Variants in PHACTR1 observed in about 807,000 individuals in gnomAD.
PHACTR1 encodes phosphatase and actin regulator 1.
PHACTR1 carries 16 observed loss-of-function variants against 69.2 expected under a neutral mutation model. The ratio of observed to expected loss-of-function variants is 0.23; its 90% CI spans 0.16 to 0.35. The LOEUF (loss-of-function observed/expected upper bound fraction) is 0.35. Among genes scored for constraint, PHACTR1 ranks in the 10% least tolerant of loss-of-function variants. The probability of loss-of-function intolerance (pLI) is 1.00; values close to 1 mark genes in which losing one functional copy is unlikely to be tolerated. For missense variants in PHACTR1, 510 were observed against 734.7 expected, an observed-to-expected ratio of 0.69 and a Z score of 3.54; for synonymous variants, 312 against 284.5, an observed-to-expected ratio of 1.10 and a Z score of -0.97.
At chr6:13,193,832 G>A (rs1439135490) in intron 7 of PHACTR1, among the ~76,000 whole-genome samples, 1 of 152,006 alleles carries the variant, frequency 6.6e-6, no homozygotes, top group Non-Finnish European at 1.5e-5. Flanking sequence ...CTGCTTGGAT[G>A]AATGAATGAT....
At chr6:13,170,267 A>G (rs1285124373) in intron 6 of PHACTR1, among the ~76,000 whole-genome samples, 1 of 152,230 alleles carries the variant, frequency 6.6e-6, no homozygotes, top group Non-Finnish European at 1.5e-5. Context: ...TCTAATTTTG[A>G]CAAATGTTTC....
chr6:12,721,526 T>G (rs1203835788), intron 3 of PHACTR1, among the ~76,000 whole-genome samples: 1 of 152,226 alleles, frequency 6.6e-6, no homozygotes, highest in East Asian at 1.9e-4. Context: ...ATTCATTTCT[T>G]GTCCTGTCAA....
intron 8 of PHACTR1, among the ~76,000 whole-genome samples, chr6:13,219,818 G>A (rs747306616): frequency 9.2e-5 from 14 of 152,006 alleles, no homozygotes; most frequent in African/African-American, 1.9e-4. Flanking sequence ...TAAAATTTGC[G>A]GTATAAATTG....
At chr6:12,941,258 G>A (rs1321543033) in intron 4 of PHACTR1, among the ~76,000 whole-genome samples, 1 of 152,136 alleles carries the variant, frequency 6.6e-6, no homozygotes, top group African/African-American at 2.4e-5. Flanking sequence ...TATCCTCAGA[G>A]TCGTAGCAAA....
chr6:12,894,174 T>TTA (rs1561987143), intron 4 of PHACTR1, among the ~76,000 whole-genome samples: 2 of 152,244 alleles, frequency 1.3e-5, no homozygotes, highest in African/African-American at 4.8e-5. Context: ...GAGACTCTAA[T>TTA]ATCTCAAGTA....
chr6:12,979,355 C>A (rs1175311651), intron 4 of PHACTR1, among the ~76,000 whole-genome samples: 1 of 152,162 alleles, frequency 6.6e-6, no homozygotes, highest in Non-Finnish European at 1.5e-5. Context: ...CGGTGCTGCA[C>A]CAGGCATTGA....
At chr6:13,024,672 C>T (rs774516465) in intron 4 of PHACTR1, among the ~76,000 whole-genome samples, 15 of 151,846 alleles carry the variant, frequency 9.9e-5, no homozygotes, top group Non-Finnish European at 2.2e-4. Context: ...CTGTTTTCTA[C>T]TAGTCATGAT....
chr6:13,170,646 G>A (rs544401515), intron 6 of PHACTR1, among the ~76,000 whole-genome samples: 2 of 152,294 alleles, frequency 1.3e-5, no homozygotes, highest in Admixed American at 6.5e-5. Context: ...AATGGGGCAC[G>A]CCACCCAATT....
intron 1 of PHACTR1, 68 bp from the exon 2 acceptor site, chr6:12,717,441 T>C (rs1391640855): frequency 1.3e-5 from 2 of 152,094 alleles, no homozygotes; most frequent in African/African-American, 2.4e-5. Flanking sequence ...GCATGATGTA[T>C]GCATGTGGAT....
At chr6:13,202,934 A>C (rs961915034) in intron 7 of PHACTR1, among the ~76,000 whole-genome samples, 4 of 152,258 alleles carry the variant, frequency 2.6e-5, no homozygotes, top group African/African-American at 9.6e-5. Context: ...GAGGGGTCAC[A>C]ATGAACAGGA....
chr6:12,865,163 G>T (rs1490012640), intron 4 of PHACTR1, among the ~76,000 whole-genome samples: 1 of 152,188 alleles, frequency 6.6e-6, no homozygotes, highest in Non-Finnish European at 1.5e-5. Flanking sequence ...ATGATGGATA[G>T]CCACCGTAGC....
chr6:12,829,413 C>T (rs1024335592), intron 4 of PHACTR1, among the ~76,000 whole-genome samples: 1 of 152,100 alleles, frequency 6.6e-6, no homozygotes, highest in Non-Finnish European at 1.5e-5. Flanking sequence ...GCCTCAGGTA[C>T]AAGACAAAGG....
chr6:13,206,845 G>A (rs1361522729), intron 8 of PHACTR1, among the ~76,000 whole-genome samples: 1 of 152,154 alleles, frequency 6.6e-6, no homozygotes, highest in Non-Finnish European at 1.5e-5. Flanking sequence ...GATGTGAGAG[G>A]AAACCTGAGT....
chr6:13,253,093 C>A, intron 10 of PHACTR1: 1 of 452,352 alleles, frequency 2.2e-6, no homozygotes, highest in Non-Finnish European at 4.5e-6. Flanking sequence ...GGGATTCCTG[C>A]CACCCGTCTC....
chr6:12,813,757 C>T (rs540173527), intron 4 of PHACTR1, among the ~76,000 whole-genome samples: 2 of 152,190 alleles, frequency 1.3e-5, no homozygotes, highest in South Asian at 2.1e-4. Context: ...CAACACTAGG[C>T]GCAAGTCACC....
chr6:13,163,016 C>T (rs944364454), intron 6 of PHACTR1, among the ~76,000 whole-genome samples: 4 of 152,098 alleles, frequency 2.6e-5, no homozygotes, highest in African/African-American at 7.2e-5. Context: ...GAGGCCAAGG[C>T]GGTGGATCGC....
chr6:13,231,083 G>A (rs1770907479), intron 10 of PHACTR1, among the ~76,000 whole-genome samples: 1 of 25,932 alleles, frequency 3.9e-5, no homozygotes, highest in African/African-American at 1.8e-4. Flanking sequence ...AAGGAAGGAA[G>A]GAAGAAGGAA....
In PHACTR1 at chr6:13,283,284, C is replaced by T; in HGVS notation, c.1510-138C>T. 9.6e-7 allele frequency: 1 copy of T among 1,040,312 alleles called. No homozygotes were observed. The highest frequency in any genetic ancestry group is 1.4e-6 in the Non-Finnish European group (1 of 714,108). 64.4% of individuals were successfully genotyped at this position (1,040,312 alleles called of 1,614,324 possible). A position where few individuals can be genotyped will look rare whatever the true frequency, so the allele number is the denominator to read the frequency against. On this transcript the variant is annotated intron_variant, in intron 12 of 14. Transcript: ENST00000332995. This position sits in a 1 kb window ranked among gnomAD's most constrained non-coding sequence, Gnocchi z 4.7. ...CCCCCCACCCTGGCCCTCCCCCTGC[C>T]CCTGCCCCTCACTCACTATGCGATG...
At chr6:12,955,212 T>TGA (rs1554179308) in intron 4 of PHACTR1, among the ~76,000 whole-genome samples, 14 of 143,494 alleles carry the variant, frequency 9.8e-5, no homozygotes, top group African/African-American at 3.3e-4. Context: ...TTTTTTTTTT[T>TGA]GAGAGAGATA....
Sources: allele counts gnomAD v4.1 joint callset (sites outside exome capture counted in the v4.1 genomes callset), GRCh38; gene constraint gnomAD v4.1.1; non-coding constraint Gnocchi (gnomAD v3.1); transcripts MANE v1.5; gene names NCBI Gene and HGNC (gene_info 2026-07-23, HGNC 2026-07-21).